MAD1L1: variants seen among roughly 807,000 people sequenced by gnomAD.
MAD1L1 encodes the protein mitotic arrest deficient 1 like 1, also known as mitotic spindle assembly checkpoint protein MAD1.
MAD1L1 carries 95 observed loss-of-function variants against 96.9 expected under a neutral mutation model. The ratio of observed to expected loss-of-function variants is 0.98; its 90% CI spans 0.83 to 1.16. The LOEUF is 1.16. Ranked by LOEUF, MAD1L1 falls within the 50% of genes most tolerant of loss-of-function variation. The pLI is 0.00. For missense variants in MAD1L1, 1,007 were observed against 954.4 expected, an observed-to-expected ratio of 1.06 and a Z score of -0.73; for synonymous variants, 473 against 396.6, an observed-to-expected ratio of 1.19 and a Z score of -2.29.
At chr7:2,225,319 G>A (rs1324772526) in intron 4 of MAD1L1, 91 bp downstream of exon 4, 8 of 1,269,386 alleles carry the variant, frequency 6.3e-6, no homozygotes, top group Non-Finnish European at 8.7e-6. Context: ...CAGGGACTAG[G>A]ATGTGATTTC....
chr7:1,905,399 G>A lies in MAD1L1; in HGVS notation c.1808-7009C>T, dbSNP rs1452927253. Among the ~76,000 whole-genome samples the A allele has an allele frequency of 8.9e-5, 12 of 134,346 alleles. 3 individuals carry two copies. Among genetic ancestry groups the A allele is most frequent in the Non-Finnish European group, 1.3e-4 (8 of 60,258 alleles). 88.1% of individuals were successfully genotyped at this position (134,346 alleles called of 152,430 possible). A position where few individuals can be genotyped will look rare whatever the true frequency, so the allele number is the denominator to read the frequency against. On this transcript the variant is annotated intron_variant, in intron 17 of 18. Coordinates refer to ENST00000265854, the MANE Select transcript of MAD1L1 (RefSeq NM_001013836.2). ...AGGCAGCGAGGATGCAGTGGCCTAC[G>A]GAAGACGCTCTTGTGGAACTCATGA...
At chr7:1,884,652 G>A (rs1290004113) in intron 18 of MAD1L1, among the ~76,000 whole-genome samples, 2 of 152,270 alleles carry the variant, frequency 1.3e-5, no homozygotes, top group Non-Finnish European at 2.9e-5. Context: ...GACAGCCCGA[G>A]AGGGGCTGGG....
chr7:2,186,119 G>T (rs1378275996), intron 10 of MAD1L1, among the ~76,000 whole-genome samples: 9 of 152,202 alleles, frequency 5.9e-5, no homozygotes, highest in African/African-American at 2.2e-4. Context: ...CTTAAGTACT[G>T]TTAACAGAAG....
intron 11 of MAD1L1, among the ~76,000 whole-genome samples, chr7:2,123,684 G>A (rs753721858): frequency 3.3e-5 from 5 of 152,222 alleles, no homozygotes; most frequent in Admixed American, 6.5e-5. Flanking sequence ...GCGAGTCGGA[G>A]GCAATTAAGC....
intron 11 of MAD1L1, among the ~76,000 whole-genome samples, chr7:2,116,567 T>TG (rs3076522): frequency 0.16 from 5,790 of 35,372 alleles, 403 homozygotes; most frequent in Non-Finnish European, 0.26. Context: ...GCCAGAGGGT[T>TG]GGGGGGGGGG....
Position 2,035,366 on chromosome 7 carries a change from C to CA in MAD1L1, c.1219-20725_1219-20724insT, listed in dbSNP as rs1390761809. Among the ~76,000 whole-genome samples the CA allele has an allele frequency of 1.5e-4, 15 of 96,832 alleles. 7 individuals carry two copies. The highest frequency in any genetic ancestry group is 4.0e-4 in the Admixed American group (4 of 10,092). 63.5% of individuals were successfully genotyped at this position (96,832 alleles called of 152,430 possible). A position where few individuals can be genotyped will look rare whatever the true frequency, so the allele number is the denominator to read the frequency against. On this transcript the variant is annotated intron_variant, in intron 12 of 18. Transcript: ENST00000265854. ...GGGTCCAGGCTCCCAGGCATGAGCGCGGGAGCACTGACAAGTCGGGACAGA... is the reference window on the plus strand; with the variant it reads ...GGGTCCAGGCTCCCAGGCATGAGCGCAGGGAGCACTGACAAGTCGGGACAGA...
At chr7:2,195,186 T>C (rs575076072) in intron 10 of MAD1L1, among the ~76,000 whole-genome samples, 1 of 152,244 alleles carries the variant, frequency 6.6e-6, no homozygotes, top group South Asian at 2.1e-4. Flanking sequence ...CCACTTCAGC[T>C]AAGCTCTCGT....
chr7:1,900,085 G>A (rs562589109), intron 17 of MAD1L1, among the ~76,000 whole-genome samples: 104 of 152,334 alleles, frequency 6.8e-4, no homozygotes, highest in African/African-American at 2.2e-3. Flanking sequence ...GCGCAGGGCC[G>A]CTGGGCACCC....
chr7:2,169,781 C>A (rs1790623268), intron 10 of MAD1L1, among the ~76,000 whole-genome samples: 1 of 132,134 alleles, frequency 7.6e-6, no homozygotes, highest in Non-Finnish European at 1.6e-5. Flanking sequence ...GCACTCGGAG[C>A]AGGGGCTGGA....
intron 10 of MAD1L1, among the ~76,000 whole-genome samples, chr7:2,159,917 G>A (rs575836190): frequency 6.6e-6 from 1 of 152,300 alleles, no homozygotes; most frequent in Admixed American, 6.5e-5. Flanking sequence ...GCATGGCTGT[G>A]TTGATTCATT....
intron 11 of MAD1L1, chr7:2,107,471 T>TCG (rs140103126): frequency 0.027 from 4,138 of 152,574 alleles, 99 homozygotes; most frequent in South Asian, 0.091. Context: ...TTTCTCCAGG[T>TCG]CGCTCTTCCG....
At chr7:1,856,555 T>C (rs898043976) in intron 18 of MAD1L1, among the ~76,000 whole-genome samples, 1 of 152,362 alleles carries the variant, frequency 6.6e-6, no homozygotes, top group African/African-American at 2.4e-5. Flanking sequence ...GCTCGCTCTC[T>C]GCTTATCACC....
At position 2,147,586 on chromosome 7, in the gene MAD1L1, C is replaced by T. The variant is rs377753823; in HGVS notation, c.1073+1566G>A. ...CAAGACCCCATTTCACAGAACAGGA[C>T]GGAGCACCAAGCGCGTCCATGGGAT... is the stretch of plus-strand genomic sequence containing the variant. On this transcript the variant is annotated intron_variant, in intron 11 of 18. Transcript: ENST00000265854. 3.7e-4 allele frequency among the ~76,000 whole-genome samples: 56 copies of T among 152,320 alleles called. No individual in the cohort carries two copies. The South Asian group carries it at 6.6e-3, about 18-fold the overall frequency.
intron 17 of MAD1L1, among the ~76,000 whole-genome samples, chr7:1,910,179 C>A (rs1240125359): frequency 6.6e-6 from 1 of 152,058 alleles, no homozygotes; most frequent in East Asian, 1.9e-4. Context: ...AAGGGACAGC[C>A]CCCTCCCCCG....
intron 10 of MAD1L1, among the ~76,000 whole-genome samples, chr7:2,159,469 C>T (rs1406994195): frequency 1.3e-5 from 2 of 152,254 alleles, no homozygotes; most frequent in Non-Finnish European, 2.9e-5. Flanking sequence ...TGCTCTCCTC[C>T]TTCACAGAAC....
intron 17 of MAD1L1, among the ~76,000 whole-genome samples, chr7:1,907,260 C>G (rs1302665658): frequency 2.0e-5 from 3 of 152,240 alleles, no homozygotes; most frequent in African/African-American, 7.2e-5. Context: ...CAGTGAGGAG[C>G]TGGCCTGGGT....
chr7:1,872,911 G>A (rs142838001), intron 18 of MAD1L1, among the ~76,000 whole-genome samples: 1 of 152,226 alleles, frequency 6.6e-6, no homozygotes, highest in African/African-American at 2.4e-5. Context: ...CACCCAGGGT[G>A]GGGGGCGCGT....
chr7:2,014,634 G>A lies in MAD1L1; in HGVS notation c.1227C>T (p.Asp409=), dbSNP rs572658602. 1.2e-5 allele frequency: 19 copies of A among 1,609,920 alleles called. No individual in the cohort carries two copies. Among genetic ancestry groups the A allele is most frequent in the Middle Eastern group, 1.7e-4 (1 of 6,034 alleles). The change falls in exon 13 of 19, where the codon GAC becomes GAT. Residue 409 remains aspartate (D), a synonymous_variant. Coordinates refer to ENST00000265854, the MANE Select transcript of MAD1L1 (RefSeq NM_001013836.2). ...AGGACCCCAGGATGGCCCGCATACC[G>A]TCCCGCTCCTGTGGACACAGAGGGC... is the stretch of plus-strand genomic sequence containing the variant. ...KRVLLLTKER[D]GMRAILGSYD...
At chr7:1,960,409 C>G (rs1448307125) in intron 15 of MAD1L1, among the ~76,000 whole-genome samples, 5 of 151,958 alleles carry the variant, frequency 3.3e-5, no homozygotes, top group African/African-American at 4.8e-5. Context: ...AAAGCAACAC[C>G]CAATCAGACA....
Sources: gnomAD v4.1 joint callset for allele counts (sites outside exome capture counted in the v4.1 genomes callset) on GRCh38, gnomAD v4.1.1 for gene constraint, MANE v1.5 for transcripts, NCBI Gene and HGNC (gene_info 2026-07-23, HGNC 2026-07-21) for gene names.